CHD7: variants seen among roughly 807,000 people sequenced by gnomAD.
CHD7 encodes the protein chromodomain helicase DNA binding protein 7.
Under a neutral mutation model 307.3 loss-of-function variants are expected in CHD7, and 24 were observed. The observed-to-expected ratio is 0.08, with a 90% CI of 0.06 to 0.11. CHD7 has a LOEUF of 0.11. CHD7 is among the 10% of genes least tolerant of loss of function. The pLI, the probability that CHD7 is intolerant of heterozygous loss-of-function variation, is 1.00. For missense variants in CHD7, 3,106 were observed against 3,727.1 expected (o/e 0.83, Z 4.34); for synonymous variants, 1,363 against 1,349.9 (o/e 1.01, Z -0.21).
chr8:60,798,051 C>G (rs1563609587), intron 4 of CHD7, among the ~76,000 whole-genome samples: 1 of 152,194 alleles, frequency 6.6e-6, no homozygotes, highest in African/African-American at 2.4e-5. Context: ...ATTCTACAGA[C>G]CAGGAGTCCA....
intron 26 of CHD7, 73 bp downstream of exon 26, chr8:60,850,695 C>G (rs892276325): frequency 3.5e-6 from 5 of 1,431,800 alleles, no homozygotes; most frequent in Non-Finnish European, 4.8e-6. Flanking sequence ...TCAGTTCTTA[C>G]CCTGCAGTAC....
rs752785620 is a variant in CHD7, at chr8:60,865,190, G to C, written c.8251G>C (p.Ala2751Pro). The change falls in exon 38 of 38, where the codon GCT becomes CCT. Residue 2751 changes from alanine to proline, a missense_variant. Coordinates refer to ENST00000423902, the MANE Select transcript of CHD7 (RefSeq NM_017780.4). The surrounding 1 kb of genome is among the most constrained non-coding windows in gnomAD (Gnocchi z 4.3). ...CCCTTTGCTGGTGAACAGCCTGTTTGCTGGAATGGACCTGACGAGCCTTCA... is the reference window on the plus strand; with the variant it reads ...CCCTTTGCTGGTGAACAGCCTGTTTCCTGGAATGGACCTGACGAGCCTTCA... ...INPLLVNSLF[A>P]GMDLTSLQNL... 1 of 1,611,852 alleles carries C rather than the reference G, an allele frequency of 6.2e-7. No individual in the cohort carries two copies. The highest frequency in any genetic ancestry group is 1.7e-5 in the Admixed American group (1 of 59,752).
In CHD7 at chr8:60,729,958, TA is replaced by T. The variant is rs554925090; in HGVS notation, c.-174-11300del. 3.6e-4 allele frequency among the ~76,000 whole-genome samples: 55 copies of T among 152,342 alleles called. 1 individual carries two copies. The South Asian group carries it at 0.011, about 32-fold the overall frequency. ...TAATATCAAGAGTCTTGTACACTCA[TA>T]TGTATGAAGTACTTAAAATTAGAAT... On this transcript the variant is annotated intron_variant, in intron 1 of 37. Coordinates refer to ENST00000423902, the MANE Select transcript of CHD7 (RefSeq NM_017780.4).
intron 2 of CHD7, among the ~76,000 whole-genome samples, chr8:60,761,765 T>C (rs1043558051): frequency 6.6e-6 from 1 of 152,114 alleles, no homozygotes; most frequent in Admixed American, 6.5e-5. Flanking sequence ...TTTGGAGTGC[T>C]ACCAGACCCT....
intron 7 of CHD7, among the ~76,000 whole-genome samples, chr8:60,811,616 C>G (rs889316101): frequency 2.6e-5 from 4 of 152,122 alleles, no homozygotes; most frequent in African/African-American, 7.2e-5. Flanking sequence ...TTTCCAATTA[C>G]GGATAATGCT....
chr8:60,714,239 CG>C (rs945200889), intron 1 of CHD7, among the ~76,000 whole-genome samples: 1 of 152,020 alleles, frequency 6.6e-6, no homozygotes, highest in Non-Finnish European at 1.5e-5. Flanking sequence ...CGCTGGCACG[CG>C]GAAGGCCCTC....
At chr8:60,842,737 A>G (rs1805028245) in intron 21 of CHD7, among the ~76,000 whole-genome samples, 1 of 152,320 alleles carries the variant, frequency 6.6e-6, no homozygotes, top group East Asian at 1.9e-4. Context: ...AGATCTGATG[A>G]CGTCCTGTCT....
At position 60,836,914 on chromosome 8, in the gene CHD7, C is replaced by T; in HGVS notation, c.4087C>T (p.Leu1363Phe). ...SKPDSDRFVF[L>F]LCTRAGGLGI... ...ACCTGATTCTGATAGGTTTGTTTTC[C>T]TCCTGTGTACAAGGGCAGGAGGTTT... The change falls in exon 17 of 38, where the codon CTC (leucine) becomes TTC (phenylalanine). Residue 1363 changes from leucine (L) to phenylalanine (F), a missense_variant. Physicochemically the swap from Leu to Phe is conservative, Grantham distance 22. Coordinates refer to ENST00000423902, the MANE Select transcript of CHD7 (RefSeq NM_017780.4). The T allele has an allele frequency of 6.2e-7, 1 of 1,613,820 alleles. No homozygotes were observed. Among genetic ancestry groups the T allele is most frequent in the Non-Finnish European group, 8.5e-7 (1 of 1,179,812 alleles).
chr8:60,786,566 A>T (rs149853838), intron 3 of CHD7, among the ~76,000 whole-genome samples: 1 of 152,106 alleles, frequency 6.6e-6, no homozygotes, highest in Admixed American at 6.5e-5. Flanking sequence ...CACTGCACCT[A>T]TCAAATGGAA....
chr8:60,765,701 G>T (rs1810441050), intron 2 of CHD7, among the ~76,000 whole-genome samples: 1 of 152,242 alleles, frequency 6.6e-6, no homozygotes, highest in Non-Finnish European at 1.5e-5. Flanking sequence ...CATGGGCCAG[G>T]AGGGCCGGGG....
In CHD7 at chr8:60,800,362, G is replaced by A. The variant is rs1563611722; in HGVS notation, c.2239-26G>A. ...TTTCTTTTTAATCATTAATTTCAAGGCCACTGTCTTGGGTTTTTGTTTTAG... is the reference window on the plus strand; with the variant it reads ...TTTCTTTTTAATCATTAATTTCAAGACCACTGTCTTGGGTTTTTGTTTTAG... On this transcript the variant is annotated intron_variant, in intron 4 of 37. Coordinates refer to ENST00000423902, the MANE Select transcript of CHD7 (RefSeq NM_017780.4). 6 of 1,607,882 alleles carry A rather than the reference G, an allele frequency of 3.7e-6. No homozygotes were observed. In the South Asian group the frequency reaches 4.4e-5, roughly 12 times the overall value.
At chr8:60,765,308 A>ATG (rs1261423955) in intron 2 of CHD7, among the ~76,000 whole-genome samples, 3 of 55,870 alleles carry the variant, frequency 5.4e-5, no homozygotes, top group South Asian at 2.8e-3. Context: ...GCATGCATGC[A>ATG]CGCACGTGTA....
chr8:60,862,131 G>A (rs1379245951), intron 35 of CHD7, 65 bp from the exon 36 acceptor site: 4 of 1,262,910 alleles, frequency 3.2e-6, no homozygotes, highest in Non-Finnish European at 4.4e-6. Context: ...GTTCTCTTTG[G>A]CATTTATATA....
intron 3 of CHD7, among the ~76,000 whole-genome samples, chr8:60,786,593 G>GC (rs1222139444): frequency 6.6e-6 from 1 of 152,128 alleles, no homozygotes; most frequent in Non-Finnish European, 1.5e-5. Flanking sequence ...GTGTAAGGAG[G>GC]CCGTGAGCCG....
chr8:60,711,530 A>T (rs7827192), intron 1 of CHD7, among the ~76,000 whole-genome samples: 1 of 152,224 alleles, frequency 6.6e-6, no homozygotes, highest in East Asian at 1.9e-4. Context: ...GGTGGTAATG[A>T]AATCTTTCGT....
chr8:60,851,290 A>G lies in CHD7; in HGVS notation c.5636A>G (p.Lys1879Arg). ...DEFANSPSED[K>R]EESMEIHATG... ...TTTGCAAATTCTCCTTCAGAGGATA[A>G]GGAAGAATCCATGGAAATACATGCC... The change falls in exon 28 of 38, where the codon AAG becomes AGG. Residue 1879 changes from lysine to arginine, a missense_variant. This residue lies in a region of CHD7 where 1,030 missense variants were observed against 1,165.4 expected (regional missense o/e 0.88). Coordinates refer to ENST00000423902, the MANE Select transcript of CHD7 (RefSeq NM_017780.4). 1 of 1,559,024 alleles carries G rather than the reference A, an allele frequency of 6.4e-7. No individual in the cohort carries two copies. The highest frequency in any genetic ancestry group is 8.7e-7 in the Non-Finnish European group (1 of 1,150,440).
chr8:60,794,640 TAAAAA>T (rs555861947), intron 3 of CHD7, among the ~76,000 whole-genome samples: 39 of 152,094 alleles, frequency 2.6e-4, no homozygotes, highest in Middle Eastern at 3.4e-3. Context: ...TCATGACAAT[TAAAAA>T]AAAGTGTTCT....
At chr8:60,800,635 C>T (rs1812266071) in intron 5 of CHD7, 110 bp downstream of exon 5, 2 of 1,083,976 alleles carry the variant, frequency 1.8e-6, no homozygotes, top group African/African-American at 1.6e-5. Flanking sequence ...AGCAGGGGAA[C>T]ATCCACCTAA....
At chr8:60,815,648 T>C (rs149169365) in intron 7 of CHD7, among the ~76,000 whole-genome samples, 2 of 151,624 alleles carry the variant, frequency 1.3e-5, no homozygotes, top group East Asian at 1.9e-4. Flanking sequence ...GGGGAGGGGG[T>C]TTGCCCAGTG....
Sources: gnomAD v4.1 joint callset for allele counts (sites outside exome capture counted in the v4.1 genomes callset) on GRCh38, gnomAD v4.1.1 for gene constraint, gnomAD v4.1.1 regional missense constraint, Gnocchi (gnomAD v3.1) non-coding constraint, MANE v1.5 for transcripts, NCBI Gene and HGNC (gene_info 2026-07-23, HGNC 2026-07-21) for gene names.